The following TNR variants were observed in gnomAD, a reference collection of about 807,000 sequenced individuals.
The protein encoded by TNR is tenascin R.
A neutral mutation model predicts 150.4 loss-of-function variants in TNR; 45 were observed. The observed-to-expected ratio is 0.30, with a 90% CI of 0.24 to 0.38. The LOEUF is 0.38. TNR is among the 10% of genes least tolerant of loss of function. The pLI is 1.00. For synonymous variants in TNR, 687 were observed against 678.4 expected, an observed-to-expected ratio of 1.01 and a Z score of -0.20; for missense variants, 1,544 against 1,759.1, an observed-to-expected ratio of 0.88 and a Z score of 2.19.
chr1:175,635,613 T>C (rs1664469095), intron 1 of TNR, among the ~76,000 whole-genome samples: 1 of 152,182 alleles, frequency 6.6e-6, no homozygotes, highest in Non-Finnish European at 1.5e-5. Flanking sequence ...CAGATGGAAT[T>C]GGTAGTGTGT....
intron 1 of TNR, among the ~76,000 whole-genome samples, chr1:175,611,733 A>G (rs1182710488): frequency 6.6e-6 from 1 of 152,178 alleles, no homozygotes; most frequent in African/African-American, 2.4e-5. Flanking sequence ...TGCCTATGGA[A>G]CACTGACTAT....
At chr1:175,406,835 C>A in intron 2 of TNR, 58 bp from the exon 3 acceptor site, 10 of 1,347,882 alleles carry the variant, frequency 7.4e-6, no homozygotes, top group Non-Finnish European at 1.0e-5. Context: ...GGCACCATGG[C>A]TCTGCACAAG....
At chr1:175,680,359 A>C (rs1391498211) in intron 1 of TNR, among the ~76,000 whole-genome samples, 1 of 152,144 alleles carries the variant, frequency 6.6e-6, no homozygotes, top group Non-Finnish European at 1.5e-5. Context: ...TGAGCCCTAA[A>C]GTAATAAATG....
At chr1:175,505,336 G>C (rs1021884818) in intron 2 of TNR, among the ~76,000 whole-genome samples, 2 of 152,234 alleles carry the variant, frequency 1.3e-5, no homozygotes, top group Admixed American at 6.5e-5. Context: ...CGGGACTGAC[G>C]GGCTGGCTGA....
At chr1:175,457,544 G>A (rs859450) in intron 2 of TNR, among the ~76,000 whole-genome samples, 21,581 of 152,182 alleles carry the variant, frequency 0.14, 4,502 homozygotes, top group African/African-American at 0.46. Context: ...GAAATAGCTC[G>A]TTTCTGGGGC....
intron 1 of TNR, among the ~76,000 whole-genome samples, chr1:175,634,428 C>G (rs1391397840): frequency 6.6e-6 from 1 of 152,192 alleles, no homozygotes; most frequent in Non-Finnish European, 1.5e-5. Context: ...TGCTGATGGG[C>G]CTTTATCATC....
Position 175,567,445 on chromosome 1 carries a change from A to G in TNR, c.-164-39076T>C, listed in dbSNP as rs976942663. On this transcript the variant is annotated intron_variant, in intron 1 of 22. Transcript: ENST00000367674. ...CGGAGGACTGTGATGATTGACTTGCAGCAGAACCTTGTGCCATCCCCCAAG... is the reference window on the plus strand; with the variant it reads ...CGGAGGACTGTGATGATTGACTTGCGGCAGAACCTTGTGCCATCCCCCAAG... Among the ~76,000 whole-genome samples the G allele has an allele frequency of 2.6e-5, 4 of 152,324 alleles. No homozygotes were observed. The East Asian group carries it at 7.7e-4, about 29-fold the overall frequency.
intron 1 of TNR, among the ~76,000 whole-genome samples, chr1:175,729,417 C>A (rs1460891936): frequency 6.8e-6 from 1 of 147,020 alleles, no homozygotes. Flanking sequence ...TGTAAGGCCT[C>A]TCTCTCTCTC....
intron 2 of TNR, among the ~76,000 whole-genome samples, chr1:175,440,249 A>G (rs1419837853): frequency 6.6e-6 from 1 of 152,128 alleles, no homozygotes; most frequent in East Asian, 1.9e-4. Context: ...GCTGGAAACC[A>G]TCATTCTCAG....
chr1:175,659,092 C>T (rs1326113468), intron 1 of TNR, among the ~76,000 whole-genome samples: 1 of 152,214 alleles, frequency 6.6e-6, no homozygotes. Context: ...CCAAGCATTG[C>T]CCCAGCAGTC....
In TNR at chr1:175,335,453, C is replaced by A. The variant is rs1281073326; in HGVS notation, c.3631+258G>T. The A allele has an allele frequency of 2.0e-5, 7 of 344,296 alleles. No individual in the cohort carries two copies. The East Asian group carries it at 3.2e-4, about 16-fold the overall frequency. 21.3% of individuals were successfully genotyped at this position (344,296 alleles called of 1,614,324 possible). Reference sequence around the variant, plus strand: ...AGGCAGCTCACTCCCTTTGTGGCAGCCTCATGTCAAAACCCATCAGAATAA... The same window carrying A: ...AGGCAGCTCACTCCCTTTGTGGCAGACTCATGTCAAAACCCATCAGAATAA... On this transcript the variant is annotated intron_variant, in intron 20 of 22. Coordinates refer to ENST00000367674, the MANE Select transcript of TNR (RefSeq NM_003285.3).
chr1:175,617,351 C>T (rs1558039258), intron 1 of TNR, among the ~76,000 whole-genome samples: 1 of 152,178 alleles, frequency 6.6e-6, no homozygotes, highest in Non-Finnish European at 1.5e-5. Context: ...TGTCTGGGTG[C>T]CTCTATGTGC....
At chr1:175,655,153 G>T in intron 1 of TNR, among the ~76,000 whole-genome samples, 1 of 152,112 alleles carries the variant, frequency 6.6e-6, no homozygotes, top group East Asian at 1.9e-4. Flanking sequence ...TTGCAGGGTG[G>T]GGATGGTGGC....
At chr1:175,578,911 C>G (rs1163289015) in intron 1 of TNR, among the ~76,000 whole-genome samples, 2 of 152,122 alleles carry the variant, frequency 1.3e-5, no homozygotes, top group East Asian at 3.9e-4. Flanking sequence ...AAGCCCCCTC[C>G]TCTACTGCCA....
intron 1 of TNR, among the ~76,000 whole-genome samples, chr1:175,720,851 A>T (rs1397133749): frequency 6.6e-6 from 1 of 152,210 alleles, no homozygotes; most frequent in Non-Finnish European, 1.5e-5. Flanking sequence ...ATGCTGGTTT[A>T]AATAACCACA....
chr1:175,462,091 A>T (rs1338264364), intron 2 of TNR, among the ~76,000 whole-genome samples: 1 of 152,244 alleles, frequency 6.6e-6, no homozygotes, highest in Non-Finnish European at 1.5e-5. Context: ...AAAATGCAAT[A>T]GCTGTCCAGA....
chr1:175,458,143 G>T (rs1358873652), intron 2 of TNR, among the ~76,000 whole-genome samples: 1 of 152,226 alleles, frequency 6.6e-6, no homozygotes, highest in Non-Finnish European at 1.5e-5. Context: ...GCTAGGTATT[G>T]TAGCAGTAGT....
intron 1 of TNR, among the ~76,000 whole-genome samples, chr1:175,712,696 C>T (rs1471174400): frequency 6.6e-6 from 1 of 151,960 alleles, no homozygotes; most frequent in Non-Finnish European, 1.5e-5. Flanking sequence ...CATGAGATCA[C>T]CCACCCTCTC....
Position 175,362,745 on chromosome 1 carries a change from G to A in TNR, c.2772C>T (p.Asn924=). ...TVTEFTITRL[N]PATEYEISLN... ...GGCTGATTTCGTATTCGGTAGCTGG[G>A]TTCAGTCTGGTGATGGTGAATTCTG... The change falls in exon 14 of 23, where the codon AAC becomes AAT. Residue 924 remains asparagine (N), a synonymous_variant. Coordinates refer to ENST00000367674, the MANE Select transcript of TNR (RefSeq NM_003285.3). 2 of 1,614,144 alleles carry A rather than the reference G, an allele frequency of 1.2e-6. No homozygotes were observed. The highest frequency in any genetic ancestry group is 1.7e-6 in the Non-Finnish European group (2 of 1,180,000).
Sources: gnomAD v4.1 joint callset for allele counts (sites outside exome capture counted in the v4.1 genomes callset) on GRCh38, gnomAD v4.1.1 for gene constraint, MANE v1.5 for transcripts, NCBI Gene and HGNC (gene_info 2026-07-23, HGNC 2026-07-21) for gene names.